HUWE1: variants seen among roughly 807,000 people sequenced by gnomAD.
HUWE1 encodes HECT, UBA and WWE domain containing E3 ubiquitin protein ligase 1.
HUWE1 carries 18 observed loss-of-function variants against 299.4 expected under a neutral mutation model. The observed-to-expected ratio is 0.06, with a 90% CI of 0.04 to 0.09. The LOEUF (loss-of-function observed/expected upper bound fraction) is 0.09, where lower values mean the gene tolerates loss of function less well. Among genes scored for constraint, HUWE1 ranks in the 10% least tolerant of loss-of-function variants. The pLI, the probability that HUWE1 is intolerant of heterozygous loss-of-function variation, is 1.00. For synonymous variants in HUWE1, 1,317 were observed against 1,286.1 expected (o/e 1.02, Z -0.51); for missense variants, 1,832 against 3,462.3 (o/e 0.53, Z 11.82).
intron 23 of HUWE1, among the ~76,000 whole-genome samples, chrX:53,613,381 G>C (rs1241212552): frequency 9.0e-6 from 1 of 111,476 alleles, no homozygotes; most frequent in Middle Eastern, 4.3e-3. Context: ...TAAGTCCCAA[G>C]GTGCCATTCA....
chrX:53,634,211 ACC>A, intron 8 of HUWE1, 23 bp downstream of exon 8: 1 of 1,141,508 alleles, frequency 8.8e-7, no homozygotes, highest in Non-Finnish European at 1.2e-6. Flanking sequence ...GTCAAAAGAC[ACC>A]CATATCCCAA....
Position 53,560,319 on chromosome X carries a change from TGAA to T in HUWE1, c.7602_7604del (p.Ser2535del). On this transcript the variant is annotated inframe_deletion, in exon 56 of 84. Transcript: ENST00000262854. ...CGATGCCCTGGGTGAGACGAGTTGT[TGAA>T]GAGCCACTGCCCAGTGTCAGAGAAC... 1.7e-6 allele frequency: 2 copies of T among 1,211,549 alleles called. No homozygotes were observed. Among genetic ancestry groups the T allele is most frequent in the South Asian group, 3.5e-5 (2 of 56,966 alleles).
chrX:53,578,258 C>T (rs1161948377), intron 43 of HUWE1, among the ~76,000 whole-genome samples: 2 of 110,294 alleles, frequency 1.8e-5, no homozygotes, highest in African/African-American at 6.6e-5. Flanking sequence ...GCCGCCGCCC[C>T]GTCTGAGAAG....
rs782708453 is a variant in HUWE1 at position 53,594,356 on chromosome X, G to A, written c.3503+143C>T. 523 of 683,017 alleles carry A rather than the reference G, an allele frequency of 7.7e-4. 2 individuals carry two copies. The South Asian group carries it at 0.013, about 17-fold the overall frequency. 56.3% of individuals were successfully genotyped at this position (683,017 alleles called of 1,213,427 possible). A position where few individuals can be genotyped will look rare whatever the true frequency, so the allele number is the denominator to read the frequency against. On this transcript the variant is annotated intron_variant, in intron 31 of 83. Coordinates refer to ENST00000262854, the MANE Select transcript of HUWE1 (RefSeq NM_031407.7). ...TGGAGACAAACATGGTTACTTCCCAGAACACTGAAGGATACAACCAATAGC... is the reference window on the plus strand; with the variant it reads ...TGGAGACAAACATGGTTACTTCCCAAAACACTGAAGGATACAACCAATAGC...
intron 4 of HUWE1, among the ~76,000 whole-genome samples, chrX:53,652,022 G>T (rs1356953004): frequency 9.0e-6 from 1 of 111,339 alleles, no homozygotes; most frequent in Non-Finnish European, 1.9e-5. Flanking sequence ...AACGGGCAAG[G>T]GTCTTGAATA....
intron 3 of HUWE1, among the ~76,000 whole-genome samples, chrX:53,663,386 G>C (rs2069103031): frequency 9.0e-6 from 1 of 111,605 alleles, no homozygotes; most frequent in African/African-American, 3.3e-5. Flanking sequence ...GGTGGCGCAT[G>C]TCTGTAATCC....
intron 3 of HUWE1, among the ~76,000 whole-genome samples, chrX:53,654,584 AGTAAAAGACT>A (rs1328171384): frequency 2.7e-5 from 3 of 112,112 alleles, no homozygotes; most frequent in Non-Finnish European, 5.6e-5. Flanking sequence ...CATGTATAAT[AGTAAAAGACT>A]GAAAAAGACC....
intron 7 of HUWE1, among the ~76,000 whole-genome samples, chrX:53,642,417 C>T (rs1441925699): frequency 8.9e-6 from 1 of 112,300 alleles, no homozygotes; most frequent in African/African-American, 3.2e-5. Flanking sequence ...CTGTTTCTAA[C>T]TGCTACATAC....
chrX:53,581,569 G>A (rs2063615681), intron 42 of HUWE1, among the ~76,000 whole-genome samples: 1 of 112,013 alleles, frequency 8.9e-6, no homozygotes, highest in Non-Finnish European at 1.9e-5. Flanking sequence ...AAAAATCCAT[G>A]AAAGCACGAA....
At chrX:53,614,767 A>G in intron 22 of HUWE1, 22 bp from the exon 23 acceptor site, 1 of 1,051,170 alleles carries the variant, frequency 9.5e-7, no homozygotes, top group Non-Finnish European at 1.3e-6. Flanking sequence ...AGGAAATAAG[A>G]TTACTTATTA....
At chrX:53,667,141 A>G (rs1557047882) in intron 3 of HUWE1, among the ~76,000 whole-genome samples, 1 of 112,513 alleles carries the variant, frequency 8.9e-6, no homozygotes, top group Admixed American at 9.4e-5. Flanking sequence ...ACAAAAAAAG[A>G]GAATTACAAC....
chrX:53,648,549 AC>A (rs201610797), intron 4 of HUWE1, among the ~76,000 whole-genome samples: 1 of 101,813 alleles, frequency 9.8e-6, no homozygotes, highest in Non-Finnish European at 1.9e-5. Context: ...ACAAAAAAAA[AC>A]AAAAAACAAA....
chrX:53,543,728 A>G, intron 73 of HUWE1, 113 bp downstream of exon 73: 1 of 1,084,301 alleles, frequency 9.2e-7, no homozygotes, highest in East Asian at 3.1e-5. Flanking sequence ...GCATTCATAT[A>G]GCAAACTTAA....
chrX:53,612,647 C>CAA (rs1450319497), intron 23 of HUWE1, among the ~76,000 whole-genome samples: 1 of 111,773 alleles, frequency 8.9e-6, no homozygotes, highest in Non-Finnish European at 1.9e-5. Flanking sequence ...ATAATTTTAA[C>CAA]AAAACTGTTG....
chrX:53,579,435 G>A (rs1282789559), intron 43 of HUWE1, among the ~76,000 whole-genome samples: 1 of 112,227 alleles, frequency 8.9e-6, no homozygotes, highest in Admixed American at 9.3e-5. Flanking sequence ...CCACGACCCC[G>A]TCTGGGAGGT....
Position 53,577,255 on chromosome X carries a change from T to G in HUWE1, c.5717-188A>C, listed in dbSNP as rs782338387. On this transcript the variant is annotated intron_variant, in intron 43 of 83. Coordinates refer to ENST00000262854, the MANE Select transcript of HUWE1 (RefSeq NM_031407.7). ...TTTCCTTAAATTCCACAGGATTTAA[T>G]ATAGCAGTACCAAATAGTAAAGGCT... Among the ~76,000 whole-genome samples the G allele has an allele frequency of 6.3e-5, 7 of 110,620 alleles. No individual in the cohort carries two copies. The South Asian group carries it at 1.9e-3, about 30-fold the overall frequency.
chrX:53,583,417 A>C (rs2063720810), intron 42 of HUWE1, 141 bp downstream of exon 42: 1 of 494,432 alleles, frequency 2.0e-6, no homozygotes, highest in Admixed American at 2.8e-5. Context: ...ATAGAGTTGG[A>C]AAATTCTGTT....
Position 53,539,646 on chromosome X carries a change from A to G in HUWE1, c.11632+11T>C. The G allele has an allele frequency of 8.3e-7, 1 of 1,210,848 alleles. No individual in the cohort carries two copies. Reference sequence around the variant, plus strand: ...CTGGGTTGGGACCTGGGCCTTTAGGACACAACTCACCTAGCACCGCATGCT... The same window carrying G: ...CTGGGTTGGGACCTGGGCCTTTAGGGCACAACTCACCTAGCACCGCATGCT... On this transcript the variant is annotated intron_variant, in intron 75 of 83. Coordinates refer to ENST00000262854, the MANE Select transcript of HUWE1 (RefSeq NM_031407.7).
At chrX:53,685,834 C>A (rs908891276) in intron 2 of HUWE1, among the ~76,000 whole-genome samples, 1 of 111,975 alleles carries the variant, frequency 8.9e-6, no homozygotes, top group Non-Finnish European at 1.9e-5. Context: ...TACAGAAATA[C>A]TCATACATGG....
Sources: allele counts gnomAD v4.1 joint callset (sites outside exome capture counted in the v4.1 genomes callset), GRCh38; gene constraint gnomAD v4.1.1; transcripts MANE v1.5; gene names NCBI Gene and HGNC (gene_info 2026-07-23, HGNC 2026-07-21).